RANBP17: variants seen among roughly 807,000 people sequenced by gnomAD.
The protein encoded by RANBP17 is RAN binding protein 17, also known as ran-binding protein 17.
In RANBP17, 158 loss-of-function variants were observed where a neutral mutation model predicts 141.2. That is an observed-to-expected ratio of 1.12 (90% CI 0.98 to 1.28). RANBP17 has a LOEUF of 1.28. Among genes scored for constraint, RANBP17 ranks in the 50% most tolerant of loss-of-function variants. The pLI, the probability that RANBP17 is intolerant of heterozygous loss-of-function variation, is 0.00. For synonymous variants in RANBP17, 430 were observed against 450.0 expected (o/e 0.96, Z 0.56); for missense variants, 1,438 against 1,290.7 (o/e 1.11, Z -1.75).
At chr5:171,204,462 A>G (rs1762461880) in intron 19 of RANBP17, among the ~76,000 whole-genome samples, 1 of 152,210 alleles carries the variant, frequency 6.6e-6, no homozygotes, top group Admixed American at 6.6e-5. Flanking sequence ...TTCATTTATT[A>G]CCAAAGTGTG....
chr5:171,113,458 C>G (rs188459234), intron 14 of RANBP17, among the ~76,000 whole-genome samples: 361 of 152,246 alleles, frequency 2.4e-3, no homozygotes, highest in African/African-American at 7.8e-3. Context: ...ATACCATTAA[C>G]TCTTATAATG....
intron 14 of RANBP17, chr5:171,029,108 A>G: frequency 3.8e-6 from 1 of 260,566 alleles, no homozygotes; most frequent in Admixed American, 4.6e-5. Context: ...CCTAGTCCCC[A>G]GAGAGATAAT....
intron 24 of RANBP17, among the ~76,000 whole-genome samples, chr5:171,248,030 C>A (rs1448345453): frequency 3.3e-5 from 5 of 152,080 alleles, no homozygotes; most frequent in Non-Finnish European, 7.3e-5. Flanking sequence ...AATCTTATAC[C>A]TCGAATAGAA....
intron 14 of RANBP17, among the ~76,000 whole-genome samples, chr5:171,041,125 A>G (rs915154015): frequency 6.6e-6 from 1 of 152,120 alleles, no homozygotes; most frequent in Non-Finnish European, 1.5e-5. Flanking sequence ...GAAGCCCTCC[A>G]TAGGGCTGCT....
At chr5:170,946,405 T>A (rs969662118) in intron 12 of RANBP17, among the ~76,000 whole-genome samples, 1 of 152,146 alleles carries the variant, frequency 6.6e-6, no homozygotes, top group Non-Finnish European at 1.5e-5. Context: ...TTGCAATGTT[T>A]TAGATTCACA....
chr5:171,163,739 T>C (rs1205515870), intron 14 of RANBP17, among the ~76,000 whole-genome samples: 1 of 152,194 alleles, frequency 6.6e-6, no homozygotes, highest in Non-Finnish European at 1.5e-5. Flanking sequence ...ACTTGAAAAT[T>C]CACAGTAATA....
chr5:170,957,072 A>AACACACAC (rs58034888), intron 13 of RANBP17, among the ~76,000 whole-genome samples: 10,254 of 142,850 alleles, frequency 0.072, 436 homozygotes, highest in Non-Finnish European at 0.089. Flanking sequence ...TCTGTCTCAA[A>AACACACAC]ACACACACAC....
intron 4 of RANBP17, among the ~76,000 whole-genome samples, chr5:170,893,320 T>C (rs1309175925): frequency 6.6e-6 from 1 of 152,000 alleles, no homozygotes; most frequent in Non-Finnish European, 1.5e-5. Flanking sequence ...AGTGATTCCA[T>C]GTCCTGGGCT....
At chr5:170,975,781 TC>T (rs1302237610) in intron 14 of RANBP17, among the ~76,000 whole-genome samples, 2 of 152,164 alleles carry the variant, frequency 1.3e-5, no homozygotes, top group Non-Finnish European at 2.9e-5. Flanking sequence ...TGTTTTTTAT[TC>T]TTTTTCTCTC....
intron 14 of RANBP17, among the ~76,000 whole-genome samples, chr5:171,070,456 G>C (rs995161966): frequency 6.6e-6 from 1 of 152,074 alleles, no homozygotes; most frequent in African/African-American, 2.4e-5. Flanking sequence ...CTAGAAATTA[G>C]CTGTTCTTCA....
intron 1 of RANBP17, among the ~76,000 whole-genome samples, chr5:170,870,856 A>C (rs143055071): frequency 6.6e-6 from 1 of 152,124 alleles, no homozygotes; most frequent in East Asian, 1.9e-4. Flanking sequence ...AAGCATTTCT[A>C]TTTCTCCACA....
chr5:171,133,177 C>G (rs1244079293), intron 14 of RANBP17, among the ~76,000 whole-genome samples: 1 of 152,140 alleles, frequency 6.6e-6, no homozygotes, highest in Non-Finnish European at 1.5e-5. Context: ...AGCCACCGCG[C>G]CCGGCTGAAT....
chr5:171,073,331 G>A (rs1275430440), intron 14 of RANBP17, among the ~76,000 whole-genome samples: 1 of 152,134 alleles, frequency 6.6e-6, no homozygotes, highest in Admixed American at 6.6e-5. Context: ...ACTGGATAAT[G>A]TAAGACTAAA....
intron 16 of RANBP17, among the ~76,000 whole-genome samples, chr5:171,179,073 T>C (rs956030975): frequency 1.3e-5 from 2 of 152,246 alleles, no homozygotes; most frequent in Non-Finnish European, 2.9e-5. Context: ...TTACTTTTGA[T>C]GTTTTAGTCA....
chr5:171,206,477 T>C (rs967134403), intron 20 of RANBP17: 2 of 155,242 alleles, frequency 1.3e-5, no homozygotes, highest in African/African-American at 2.4e-5. Context: ...TGTATGCAAG[T>C]CATCTAAGTG....
chr5:171,046,908 T>G (rs1036879020), intron 14 of RANBP17, among the ~76,000 whole-genome samples: 3 of 152,192 alleles, frequency 2.0e-5, no homozygotes, highest in African/African-American at 4.8e-5. Flanking sequence ...TCTGTCCAAT[T>G]TGAGCAGTTT....
In RANBP17 at chr5:170,878,222, A is replaced by G. The variant is rs1768356272; in HGVS notation, c.144A>G (p.Gln48=). ...IDSPECLSKC[Q]LLLEQGTTSY... ...GTCCAGAATGTCTCAGCAAGTGTCAACTTTTATTAGAACAAGGAACAGTAA... is the reference window on the plus strand; with the variant it reads ...GTCCAGAATGTCTCAGCAAGTGTCAGCTTTTATTAGAACAAGGAACAGTAA... The change falls in exon 2 of 28, where the codon CAA becomes CAG. Residue 48 remains glutamine, a synonymous_variant. Transcript: ENST00000523189. 1 of 1,609,712 alleles carries G rather than the reference A, an allele frequency of 6.2e-7. No individual in the cohort carries two copies. The highest frequency in any genetic ancestry group is 1.1e-5 in the South Asian group (1 of 89,558).
At chr5:171,056,992 C>A (rs1211104189) in intron 14 of RANBP17, among the ~76,000 whole-genome samples, 1 of 152,140 alleles carries the variant, frequency 6.6e-6, no homozygotes, top group East Asian at 1.9e-4. Flanking sequence ...AGCTAACTTT[C>A]ACCTTTGCGT....
intron 14 of RANBP17, among the ~76,000 whole-genome samples, chr5:170,982,049 T>G (rs1777812945): frequency 6.6e-6 from 1 of 152,212 alleles, no homozygotes; most frequent in African/African-American, 2.4e-5. Flanking sequence ...TTATGGAAGT[T>G]TGAACAGGAG....
Sources: gnomAD v4.1 joint callset for allele counts (sites outside exome capture counted in the v4.1 genomes callset) on GRCh38, gnomAD v4.1.1 for gene constraint, MANE v1.5 for transcripts, NCBI Gene and HGNC (gene_info 2026-07-23, HGNC 2026-07-21) for gene names.